ADAM22: variants seen among roughly 807,000 people sequenced by gnomAD.
ADAM22 encodes ADAM metallopeptidase domain 22, also known as disintegrin and metalloproteinase domain-containing protein 22.
Under a neutral mutation model 144.6 loss-of-function variants are expected in ADAM22, and 65 were observed. The observed-to-expected ratio is 0.45, with a 90% CI of 0.37 to 0.55. The LOEUF is 0.55. Among genes scored for constraint, ADAM22 ranks in the 20% least tolerant of loss-of-function variants. The pLI is 0.00. For missense variants in ADAM22, 974 were observed against 1,184.9 expected, an observed-to-expected ratio of 0.82 and a Z score of 2.61; for synonymous variants, 391 against 412.6, an observed-to-expected ratio of 0.95 and a Z score of 0.63.
chr7:88,160,193 G>C (rs1841189166), intron 22 of ADAM22, among the ~76,000 whole-genome samples: 3 of 152,028 alleles, frequency 2.0e-5, no homozygotes, highest in African/African-American at 7.2e-5. Context: ...AATACAGCTA[G>C]TCAGGGAGGT....
chr7:87,997,097 T>A (rs1421358618), intron 3 of ADAM22, among the ~76,000 whole-genome samples: 5 of 152,198 alleles, frequency 3.3e-5, no homozygotes, highest in African/African-American at 1.2e-4. Flanking sequence ...AGTTAGGCAG[T>A]GAGATTACTA....
At chr7:88,159,548 C>A (rs1262660359) in intron 22 of ADAM22, among the ~76,000 whole-genome samples, 2 of 152,106 alleles carry the variant, frequency 1.3e-5, no homozygotes, top group African/African-American at 4.8e-5. Flanking sequence ...CATCAAAAAT[C>A]ATATCCACCA....
chr7:88,089,000 A>G (rs796886925), intron 4 of ADAM22, among the ~76,000 whole-genome samples: 17 of 151,962 alleles, frequency 1.1e-4, no homozygotes, highest in African/African-American at 4.1e-4. Context: ...GTTATGGGAC[A>G]TAGATTTTTT....
At chr7:88,104,052 G>A (rs139970489) in intron 4 of ADAM22, among the ~76,000 whole-genome samples, 9 of 152,182 alleles carry the variant, frequency 5.9e-5, no homozygotes, top group East Asian at 1.9e-4. Flanking sequence ...ATAGAAGTGC[G>A]CAGGAATATA....
intron 1 of ADAM22, 39 bp from the exon 2 acceptor site, chr7:87,934,987 T>A: frequency 6.2e-7 from 1 of 1,613,788 alleles, no homozygotes; most frequent in African/African-American, 1.3e-5. Flanking sequence ...ATTTTCGCCT[T>A]TTCTCTCCAC....
chr7:88,103,295 T>A (rs931176754), intron 4 of ADAM22, among the ~76,000 whole-genome samples: 7 of 152,180 alleles, frequency 4.6e-5, no homozygotes, highest in African/African-American at 1.7e-4. Flanking sequence ...GCTGTGTAAC[T>A]TCCTTTGTGT....
At chr7:88,074,252 C>G (rs139988040) in intron 3 of ADAM22, among the ~76,000 whole-genome samples, 389 of 152,264 alleles carry the variant, frequency 2.6e-3, no homozygotes, top group African/African-American at 9.0e-3. Flanking sequence ...TTTAATATAT[C>G]ATGAACATTT....
chr7:88,132,696 CT>C, intron 11 of ADAM22, 170 bp from the exon 12 acceptor site: 5 of 500,868 alleles, frequency 1.0e-5, no homozygotes, highest in Non-Finnish European at 1.1e-5. Flanking sequence ...CCTCATAAAC[CT>C]TTTTCTTTGG....
intron 10 of ADAM22, 116 bp from the exon 11 acceptor site, chr7:88,131,153 C>A: frequency 1.3e-6 from 1 of 781,882 alleles, no homozygotes; most frequent in Non-Finnish European, 2.0e-6. Flanking sequence ...AGAAAGTTAT[C>A]TCCCTTTAAC....
chr7:88,050,268 C>T (rs1563105238), intron 3 of ADAM22, among the ~76,000 whole-genome samples: 1 of 149,816 alleles, frequency 6.7e-6, no homozygotes, highest in Non-Finnish European at 1.5e-5. Context: ...AGGTGCATGC[C>T]TGTAGTCCCA....
At chr7:88,007,292 A>G (rs986702879) in intron 3 of ADAM22, among the ~76,000 whole-genome samples, 3 of 152,182 alleles carry the variant, frequency 2.0e-5, no homozygotes, top group Non-Finnish European at 4.4e-5. Flanking sequence ...ATGGGTAGGA[A>G]GAATCAATAT....
rs141776650 is a variant in ADAM22, at chr7:88,003,215, G to A, written c.323+24803G>A. ...AACTTAAAAGGAAGAAAGTTAAACAGCTAAAACTCAGGAAATAAGCTGTCA... is the reference window on the plus strand; with the variant it reads ...AACTTAAAAGGAAGAAAGTTAAACAACTAAAACTCAGGAAATAAGCTGTCA... On this transcript the variant is annotated intron_variant, in intron 3 of 31. Coordinates refer to ENST00000413139, the MANE Select transcript of ADAM22 (RefSeq NM_001324418.2). 3.5e-3 allele frequency among the ~76,000 whole-genome samples: 527 copies of A among 152,278 alleles called. 2 individuals carry two copies. The highest frequency in any genetic ancestry group is 4.4e-3 in the Non-Finnish European group (297 of 68,024).
At chr7:88,151,211 T>C (rs779814493) in intron 19 of ADAM22, 46 bp from the exon 20 acceptor site, 4 of 1,605,930 alleles carry the variant, frequency 2.5e-6, no homozygotes, top group Non-Finnish European at 3.4e-6. Context: ...TTATCTGACA[T>C]AAGCAGATAT....
intron 3 of ADAM22, among the ~76,000 whole-genome samples, chr7:88,069,186 C>A (rs1232336320): frequency 1.3e-5 from 2 of 151,856 alleles, no homozygotes; most frequent in African/African-American, 4.8e-5. Context: ...TCCCTCTCTT[C>A]TCCCTGTCTC....
intron 4 of ADAM22, among the ~76,000 whole-genome samples, chr7:88,076,019 A>G (rs1814362068): frequency 6.6e-6 from 1 of 151,800 alleles, no homozygotes; most frequent in Admixed American, 6.6e-5. Flanking sequence ...ATTTTATTTT[A>G]TTTTATTTTT....
chr7:88,013,498 A>G (rs1178450836), intron 3 of ADAM22, among the ~76,000 whole-genome samples: 2 of 152,148 alleles, frequency 1.3e-5, no homozygotes, highest in African/African-American at 2.4e-5. Context: ...AGTCATAGCT[A>G]ACTGCAGCCT....
chr7:88,048,879 G>C (rs1805416861), intron 3 of ADAM22, among the ~76,000 whole-genome samples: 1 of 151,976 alleles, frequency 6.6e-6, no homozygotes, highest in Admixed American at 6.6e-5. Context: ...ATCATTAACT[G>C]AGTTTAGTGT....
chr7:88,182,039 C>G lies in ADAM22; in HGVS notation c.2663+15C>G. Reference sequence around the variant, plus strand: ...AATTCAACTGAGTAAGTCTGAACCTCTAATGGAAAAAGGCACTCCAAGGTC... The same window carrying G: ...AATTCAACTGAGTAAGTCTGAACCTGTAATGGAAAAAGGCACTCCAAGGTC... On this transcript the variant is annotated intron_variant, in intron 29 of 31. Transcript: ENST00000413139. 1 of 1,609,092 alleles carries G rather than the reference C, an allele frequency of 6.2e-7. No individual in the cohort carries two copies. The highest frequency in any genetic ancestry group is 8.5e-7 in the Non-Finnish European group (1 of 1,178,264).
At chr7:88,115,503 A>T (rs1827542354) in intron 6 of ADAM22, among the ~76,000 whole-genome samples, 1 of 152,076 alleles carries the variant, frequency 6.6e-6, no homozygotes, top group African/African-American at 2.4e-5. Flanking sequence ...CTGCCTTCTC[A>T]CTGTGTTCTC....
Sources: gnomAD v4.1 joint callset for allele counts (sites outside exome capture counted in the v4.1 genomes callset) on GRCh38, gnomAD v4.1.1 for gene constraint, MANE v1.5 for transcripts, NCBI Gene and HGNC (gene_info 2026-07-23, HGNC 2026-07-21) for gene names.